GRIK3: variants seen among roughly 807,000 people sequenced by gnomAD.
GRIK3 encodes glutamate ionotropic receptor kainate type subunit 3.
GRIK3 carries 29 observed loss-of-function variants against 102.5 expected under a neutral mutation model. The ratio of observed to expected loss-of-function variants is 0.28; its 90% CI spans 0.21 to 0.39. The LOEUF is 0.39. GRIK3 is among the 10% of genes least tolerant of loss of function. GRIK3 has a pLI of 1.00. For missense variants in GRIK3, 908 were observed against 1,252.4 expected (o/e 0.73, Z 4.15); for synonymous variants, 511 against 504.9 (o/e 1.01, Z -0.16).
chr1:37,017,240 G>C (rs1451835341), intron 1 of GRIK3, among the ~76,000 whole-genome samples: 2 of 150,206 alleles, frequency 1.3e-5, no homozygotes, highest in African/African-American at 4.9e-5. Flanking sequence ...AAAAAAGAAA[G>C]GTGTTGAGCT....
At chr1:36,885,251 C>T (rs1211858430) in intron 2 of GRIK3, among the ~76,000 whole-genome samples, 1 of 152,038 alleles carries the variant, frequency 6.6e-6, no homozygotes, top group Non-Finnish European at 1.5e-5. Context: ...GACGGGATGT[C>T]AGCATTGATG....
chr1:36,933,780 G>A (rs541578382), intron 1 of GRIK3, among the ~76,000 whole-genome samples: 1 of 152,334 alleles, frequency 6.6e-6, no homozygotes, highest in African/African-American at 2.4e-5. Flanking sequence ...GCTGTGTGAC[G>A]GAGGTCATGT....
At chr1:36,906,440 G>A (rs965705691) in intron 1 of GRIK3, among the ~76,000 whole-genome samples, 1 of 152,164 alleles carries the variant, frequency 6.6e-6, no homozygotes, top group Non-Finnish European at 1.5e-5. Context: ...ACATGGCAAG[G>A]ACTTAATACA....
intron 1 of GRIK3, among the ~76,000 whole-genome samples, chr1:37,020,268 C>T (rs1472258420): frequency 6.6e-6 from 1 of 152,168 alleles, no homozygotes; most frequent in Admixed American, 6.5e-5. Context: ...GCACCTGGAA[C>T]CGCTGGGGTT....
At chr1:36,827,440 G>A (rs893805529) in intron 10 of GRIK3, among the ~76,000 whole-genome samples, 1 of 152,118 alleles carries the variant, frequency 6.6e-6, no homozygotes, top group Admixed American at 6.5e-5. Context: ...TCTGGCAAGG[G>A]GGGACCTCCC....
intron 2 of GRIK3, among the ~76,000 whole-genome samples, chr1:36,882,334 C>T (rs1161626434): frequency 6.6e-6 from 1 of 152,182 alleles, no homozygotes; most frequent in South Asian, 2.1e-4. Context: ...TTTCCACCGG[C>T]CTGGGATGGT....
At chr1:36,957,467 G>GCCCTGTGA (rs1557440390) in intron 1 of GRIK3, among the ~76,000 whole-genome samples, 2,461 of 116,692 alleles carry the variant, frequency 0.021, no homozygotes, top group Non-Finnish European at 0.026. Context: ...GAGCCTATGT[G>GCCCTGTGA]CTCTGTGAGT....
rs539428195 is a variant in GRIK3, at chr1:36,799,415, T to G, written c.*2436A>C. On this transcript the variant is annotated 3_prime_UTR_variant, in exon 16 of 16. Coordinates refer to ENST00000373091, the MANE Select transcript of GRIK3 (RefSeq NM_000831.4). Reference sequence around the variant, plus strand: ...TCCACGTGGCTTCTTGTCTACAGCATGCATTGACCCATGTCACACGACTCT... The same window carrying G: ...TCCACGTGGCTTCTTGTCTACAGCAGGCATTGACCCATGTCACACGACTCT... The G allele has an allele frequency of 6.6e-6, 1 of 152,586 alleles. No homozygotes were observed. The highest frequency in any genetic ancestry group is 1.9e-4 in the East Asian group (1 of 5,184). 9.5% of individuals were successfully genotyped at this position (152,586 alleles called of 1,614,324 possible).
chr1:36,986,511 A>C (rs528865087), intron 1 of GRIK3, among the ~76,000 whole-genome samples: 3 of 145,364 alleles, frequency 2.1e-5, no homozygotes, highest in South Asian at 4.4e-4. Flanking sequence ...TCCATCCATT[A>C]ATTAAGGTCA....
chr1:36,831,456 G>T (rs1046830864), intron 10 of GRIK3, among the ~76,000 whole-genome samples: 54 of 152,168 alleles, frequency 3.5e-4, no homozygotes, highest in African/African-American at 1.3e-3. Flanking sequence ...CACATCTTTG[G>T]TATGTGGCAT....
chr1:36,994,752 G>A (rs12126214), intron 1 of GRIK3, among the ~76,000 whole-genome samples: 56,909 of 152,002 alleles, frequency 0.37, 11,453 homozygotes, highest in African/African-American at 0.5. Context: ...CTTTTCAGCT[G>A]TCACACCACC....
At position 36,798,914 on chromosome 1, in the gene GRIK3, C is replaced by T. The variant is rs1642400959; in HGVS notation, c.*2937G>A. On this transcript the variant is annotated 3_prime_UTR_variant, in exon 16 of 16. Coordinates refer to ENST00000373091, the MANE Select transcript of GRIK3 (RefSeq NM_000831.4). ...ATTCTTTGTTCGTTTTATAAAAATT[C>T]TCACCACTTCTTCTTCCTCCTGTCA... The T allele has an allele frequency of 6.6e-6, 1 of 152,242 alleles. No homozygotes were observed. Among genetic ancestry groups the T allele is most frequent in the Non-Finnish European group, 1.5e-5 (1 of 68,052 alleles). The allele number at this position is 152,242 out of a possible 1,614,324, so 9.4% of individuals were successfully genotyped here.
intron 1 of GRIK3, among the ~76,000 whole-genome samples, chr1:36,984,825 G>A (rs1211912439): frequency 6.6e-6 from 1 of 152,234 alleles, no homozygotes; most frequent in Non-Finnish European, 1.5e-5. Flanking sequence ...GTGAATGACA[G>A]CAAAGTTGAA....
chr1:36,920,328 A>G (rs867469399), intron 1 of GRIK3, among the ~76,000 whole-genome samples: 4 of 152,232 alleles, frequency 2.6e-5, no homozygotes, highest in Middle Eastern at 6.8e-3. Context: ...TTTGCCTCCC[A>G]GGGCTGCTGG....
chr1:36,973,396 T>C (rs959068409), intron 1 of GRIK3, among the ~76,000 whole-genome samples: 1 of 151,532 alleles, frequency 6.6e-6, no homozygotes, highest in African/African-American at 2.4e-5. Flanking sequence ...GAGTGTCAGC[T>C]TAGACATCAC....
intron 1 of GRIK3, among the ~76,000 whole-genome samples, chr1:36,906,889 A>G (rs1341701426): frequency 6.6e-6 from 1 of 152,244 alleles, no homozygotes; most frequent in Non-Finnish European, 1.5e-5. Flanking sequence ...TTATTTCAAA[A>G]TAGCTAGAGG....
chr1:37,013,677 C>T (rs1642622085), intron 1 of GRIK3, among the ~76,000 whole-genome samples: 1 of 152,202 alleles, frequency 6.6e-6, no homozygotes, highest in South Asian at 2.1e-4. Context: ...CATGTTTGGA[C>T]CAGGCTTTGG....
chr1:36,994,417 T>G (rs1642394356), intron 1 of GRIK3, among the ~76,000 whole-genome samples: 4 of 152,256 alleles, frequency 2.6e-5, no homozygotes, highest in Admixed American at 2.0e-4. Context: ...TCAAGTTATT[T>G]AAGCTGAGTA....
intron 1 of GRIK3, among the ~76,000 whole-genome samples, chr1:36,892,175 C>G (rs1032621068): frequency 2.6e-5 from 4 of 152,124 alleles, no homozygotes; most frequent in Non-Finnish European, 5.9e-5. Context: ...CATGCTGCTA[C>G]GCCCGGATAA....
Sources: gnomAD v4.1 joint callset for allele counts (sites outside exome capture counted in the v4.1 genomes callset) on GRCh38, gnomAD v4.1.1 for gene constraint, MANE v1.5 for transcripts, NCBI Gene and HGNC (gene_info 2026-07-23, HGNC 2026-07-21) for gene names.